Variants in TENM3 observed in about 807,000 individuals in gnomAD.
TENM3 encodes teneurin transmembrane protein 3.
TENM3 carries 63 observed loss-of-function variants against 255.1 expected under a neutral mutation model. The observed-to-expected ratio is 0.25, with a 90% CI of 0.20 to 0.30. The LOEUF (loss-of-function observed/expected upper bound fraction) is 0.30, where lower values mean the gene tolerates loss of function less well. Among genes scored for constraint, TENM3 ranks in the 10% least tolerant of loss-of-function variants. The pLI, the probability that TENM3 is intolerant of heterozygous loss-of-function variation, is 1.00. For missense variants in TENM3, 2,929 were observed against 3,461.1 expected, an observed-to-expected ratio of 0.85 and a Z score of 3.86; for synonymous variants, 1,306 against 1,322.3, an observed-to-expected ratio of 0.99 and a Z score of 0.27.
At chr4:182,453,650 G>A (rs1411881755) in intron 3 of TENM3, among the ~76,000 whole-genome samples, 10 of 152,156 alleles carry the variant, frequency 6.6e-5, no homozygotes, top group Admixed American at 2.0e-4. Context: ...AAGTTTCAGT[G>A]AGTTGTTTTC....
At chr4:181,456,743 TTC>T in the TENM3 span, among the ~76,000 whole-genome samples, 2 of 152,038 alleles carry the variant, frequency 1.3e-5, no homozygotes, top group East Asian at 3.9e-4. Context: ...ATTAAAAATT[TTC>T]TGTTTACAAT....
chr4:181,517,066 G>A, the TENM3 span, among the ~76,000 whole-genome samples: 2 of 151,804 alleles, frequency 1.3e-5, no homozygotes, highest in South Asian at 4.1e-4. Context: ...TTATACTCTG[G>A]TTTGTACACT....
chr4:182,671,227 A>G (rs1046946949), intron 6 of TENM3, among the ~76,000 whole-genome samples: 1 of 152,104 alleles, frequency 6.6e-6, no homozygotes, highest in Non-Finnish European at 1.5e-5. Context: ...CATTTTCTAA[A>G]TGAGGTTTAG....
chr4:181,605,260 A>G, the TENM3 span, among the ~76,000 whole-genome samples: 9 of 151,876 alleles, frequency 5.9e-5, no homozygotes, highest in East Asian at 1.4e-3. Context: ...CCTGGCTAAC[A>G]TGGTGAAACC....
the TENM3 span, among the ~76,000 whole-genome samples, chr4:182,068,762 T>C: frequency 6.6e-6 from 1 of 152,086 alleles, no homozygotes; most frequent in African/African-American, 2.4e-5. Flanking sequence ...GTGATGCATA[T>C]TAATGAACCC....
At chr4:181,585,172 T>A in the TENM3 span, among the ~76,000 whole-genome samples, 54 of 151,640 alleles carry the variant, frequency 3.6e-4, no homozygotes, top group African/African-American at 1.2e-3. Context: ...AAAAAAAAAA[T>A]TACTTTAGGA....
At chr4:182,777,511 ATGTGTGTGTGTGTGTG>A (rs150202066) in intron 24 of TENM3, among the ~76,000 whole-genome samples, 265 of 99,886 alleles carry the variant, frequency 2.7e-3, no homozygotes, top group African/African-American at 9.2e-3. Flanking sequence ...TAATGTGTTT[ATGTGTGTGTGTGTGTG>A]TGTGTGTGTG....
intron 1 of TENM3, among the ~76,000 whole-genome samples, chr4:182,171,881 A>G (rs554510190): frequency 8.5e-5 from 13 of 152,170 alleles, no homozygotes; most frequent in Non-Finnish European, 1.9e-4. Context: ...TTTACTACGA[A>G]TATATAGAAA....
the TENM3 span, among the ~76,000 whole-genome samples, chr4:181,646,952 A>C: frequency 6.6e-6 from 1 of 152,238 alleles, no homozygotes; most frequent in Non-Finnish European, 1.5e-5. Context: ...TGTGGATTAA[A>C]TGGACAGGGG....
the TENM3 span, among the ~76,000 whole-genome samples, chr4:181,471,712 A>C: frequency 6.6e-6 from 1 of 152,226 alleles, no homozygotes; most frequent in Non-Finnish European, 1.5e-5. Context: ...AGAGAAAAAT[A>C]GTATCTTTTC....
chr4:181,842,326 A>G, the TENM3 span, among the ~76,000 whole-genome samples: 1 of 152,154 alleles, frequency 6.6e-6, no homozygotes, highest in African/African-American at 2.4e-5. Flanking sequence ...CTTTTATTTT[A>G]TTGATATCTA....
intron 6 of TENM3, among the ~76,000 whole-genome samples, chr4:182,665,828 G>A (rs1034308169): frequency 1.4e-4 from 22 of 152,044 alleles, no homozygotes; most frequent in African/African-American, 4.6e-4. Flanking sequence ...CCCGGGAGGC[G>A]GAGGTTGCAG....
rs74335382 is a variant in TENM3, at chr4:182,370,282, T to C, written c.511+23353T>C. The stretch of plus-strand genomic sequence containing the variant: ...CCATCAAACATAACCCAAGTTTCCG[T>C]TGGGTCTTGTGTGTCTGTTGTAAGT... On this transcript the variant is annotated intron_variant, in intron 3 of 27. Coordinates refer to ENST00000511685, the MANE Select transcript of TENM3 (RefSeq NM_001080477.4). 1.2e-3 allele frequency among the ~76,000 whole-genome samples: 186 copies of C among 152,336 alleles called. 1 individual carries two copies. The East Asian group carries it at 0.034, about 28-fold the overall frequency.
At chr4:181,847,337 TA>T in the TENM3 span, among the ~76,000 whole-genome samples, 2 of 152,160 alleles carry the variant, frequency 1.3e-5, no homozygotes, top group Non-Finnish European at 2.9e-5. Context: ...TTCTTTTAAG[TA>T]AAAATAGACA....
At chr4:181,720,185 G>A in the TENM3 span, among the ~76,000 whole-genome samples, 15 of 152,094 alleles carry the variant, frequency 9.9e-5, no homozygotes, top group Admixed American at 9.2e-4. Context: ...AAACAGAATC[G>A]CATTCTTTGA....
intron 1 of TENM3, among the ~76,000 whole-genome samples, chr4:182,173,614 A>G (rs1752249395): frequency 6.6e-6 from 1 of 152,230 alleles, no homozygotes. Context: ...GAAGACCGAC[A>G]GCCTATACCG....
chr4:182,231,377 G>A (rs528168261), intron 1 of TENM3, among the ~76,000 whole-genome samples: 29 of 152,208 alleles, frequency 1.9e-4, no homozygotes, highest in Admixed American at 1.4e-3. Flanking sequence ...AAAAAGGAAC[G>A]CGTAGAGGTA....
rs943531453 is a variant in TENM3, at chr4:182,728,955, C to A, written c.2369-10C>A. On this transcript the variant is annotated splice_polypyrimidine_tract_variant and intron_variant, in intron 13 of 27. Transcript: ENST00000511685. ...AAAATTCTCTTACTGGGGAACATTT[C>A]TCTCTACAGATGGACTCATTGACTG... 3.1e-6 allele frequency: 5 copies of A among 1,610,834 alleles called. No homozygotes were observed. In the African/African-American group the frequency reaches 6.7e-5, roughly 22 times the overall value.
chr4:182,376,920 A>T (rs538654042), intron 3 of TENM3, among the ~76,000 whole-genome samples: 1 of 152,334 alleles, frequency 6.6e-6, no homozygotes, highest in African/African-American at 2.4e-5. Flanking sequence ...TGATTGAAAA[A>T]TACAAAAATC....
Sources: gnomAD v4.1 joint callset for allele counts (sites outside exome capture counted in the v4.1 genomes callset) on GRCh38, gnomAD v4.1.1 for gene constraint, MANE v1.5 for transcripts, NCBI Gene and HGNC (gene_info 2026-07-23, HGNC 2026-07-21) for gene names.